CCDC88A: variants seen among roughly 807,000 people sequenced by gnomAD.
CCDC88A encodes coiled-coil and HOOK domain protein 88A.
Under a neutral mutation model 234.3 loss-of-function variants are expected in CCDC88A, and 54 were observed. That is an observed-to-expected ratio of 0.23 (90% CI 0.19 to 0.29). The LOEUF (loss-of-function observed/expected upper bound fraction) is 0.29, where lower values mean the gene tolerates loss of function less well. CCDC88A is among the 10% of genes least tolerant of loss of function. CCDC88A has a pLI of 1.00. For synonymous variants in CCDC88A, 753 were observed against 737.8 expected, an observed-to-expected ratio of 1.02 and a Z score of -0.33; for missense variants, 1,832 against 2,123.4, an observed-to-expected ratio of 0.86 and a Z score of 2.70.
At chr2:55,379,729 C>A (rs1674270065) in intron 3 of CCDC88A, among the ~76,000 whole-genome samples, 1 of 151,676 alleles carries the variant, frequency 6.6e-6, no homozygotes, top group African/African-American at 2.4e-5. Context: ...GCCTGATCAA[C>A]ATGGAGAAAC....
At position 55,316,074 on chromosome 2, in the gene CCDC88A, C is replaced by T. The variant is rs765489381; in HGVS notation, c.3787G>A (p.Val1263Ile). 2.4e-5 allele frequency: 37 copies of T among 1,555,782 alleles called. No individual in the cohort carries two copies. Among genetic ancestry groups the T allele is most frequent in the Non-Finnish European group, 3.2e-5 (36 of 1,138,546 alleles). The change falls in exon 22 of 33, where the codon GTT becomes ATT. Residue 1263 changes from valine (V) to isoleucine (I), a missense_variant. Physicochemically the swap from Val to Ile is conservative, Grantham distance 29. This residue lies in a region of CCDC88A where 1,282 missense variants were observed against 1,543.6 expected (regional missense o/e 0.83). Transcript: ENST00000436346. ...AAATTTTTATGGTCAGTTTGTAAAA[C>T]TTCAGTCTCTTTTAAAAGTTGACTA... ...TYSQLLKETEVLQTDHKNLKS... is the reference protein window; with the variant it reads ...TYSQLLKETEILQTDHKNLKS...
In CCDC88A at chr2:55,411,384, T is replaced by C. The variant is rs557300519; in HGVS notation, c.164+7432A>G. On this transcript the variant is annotated intron_variant, in intron 2 of 32. Transcript: ENST00000436346. ...CCTGTTCTTCTCTAGGTTCTCATCA[T>C]TTCTGTAGTTTAACTACATATGAAT... Among the ~76,000 whole-genome samples the C allele has an allele frequency of 8.3e-4, 127 of 152,314 alleles. 2 individuals are homozygous for C. The South Asian group carries it at 0.025, about 30-fold the overall frequency.
intron 17 of CCDC88A, among the ~76,000 whole-genome samples, chr2:55,326,771 A>T (rs13414713): frequency 2.6e-5 from 4 of 152,136 alleles, no homozygotes; most frequent in African/African-American, 9.7e-5. Flanking sequence ...GGGTTTCACC[A>T]TGTCAGCAAG....
At chr2:55,320,528 G>T (rs918187887) in intron 18 of CCDC88A, among the ~76,000 whole-genome samples, 6 of 151,880 alleles carry the variant, frequency 4.0e-5, no homozygotes, top group African/African-American at 1.2e-4. Context: ...ATTTATAAAG[G>T]AAGTCTACAA....
At chr2:55,356,992 A>G (rs773946568) in intron 7 of CCDC88A, among the ~76,000 whole-genome samples, 9 of 152,208 alleles carry the variant, frequency 5.9e-5, no homozygotes, top group Non-Finnish European at 1.3e-4. Context: ...ATGCACTGGG[A>G]CAGCCCAGAA....
rs144060748 is a variant in CCDC88A at position 55,390,199 on chromosome 2, T to G, written c.165-1313A>C. ...TTACTATTTTTGTGTATCTCTTTAA[T>G]GCGTGGTTTAACTTTTAAAAAACAG... On this transcript the variant is annotated intron_variant, in intron 2 of 32. Coordinates refer to ENST00000436346, the MANE Select transcript of CCDC88A (RefSeq NM_001365480.1). Among the ~76,000 whole-genome samples, 740 of 152,242 alleles carry G rather than the reference T, an allele frequency of 4.9e-3. 10 individuals are homozygous for G. The highest frequency in any genetic ancestry group is 0.017 in the African/African-American group (716 of 41,532).
At chr2:55,346,816 A>G (rs1669168534) in intron 9 of CCDC88A, among the ~76,000 whole-genome samples, 1 of 152,192 alleles carries the variant, frequency 6.6e-6, no homozygotes. Context: ...AAATGGGGAG[A>G]TATAAACTTT....
chr2:55,390,000 C>A (rs1574421804), intron 2 of CCDC88A, among the ~76,000 whole-genome samples: 2 of 130,184 alleles, frequency 1.5e-5, no homozygotes, highest in East Asian at 4.8e-4. Flanking sequence ...AGGATCGCAC[C>A]ACTGCACTCC....
At chr2:55,359,913 A>T (rs1671073625) in intron 7 of CCDC88A, among the ~76,000 whole-genome samples, 1 of 151,986 alleles carries the variant, frequency 6.6e-6, no homozygotes, top group Non-Finnish European at 1.5e-5. Context: ...AAGGAAAAGA[A>T]ATTAGAGATG....
chr2:55,347,121 T>C (rs1669239592), intron 9 of CCDC88A, among the ~76,000 whole-genome samples: 1 of 152,216 alleles, frequency 6.6e-6, no homozygotes, highest in African/African-American at 2.4e-5. Flanking sequence ...GTAAAGTTTC[T>C]ATAGATATGT....
At chr2:55,301,156 T>A (rs1680852379) in intron 28 of CCDC88A, 50 bp downstream of exon 28, 1 of 1,099,310 alleles carries the variant, frequency 9.1e-7, no homozygotes, top group African/African-American at 1.6e-5. Context: ...GTCCTAGCAT[T>A]CCCATTCTGT....
At chr2:55,343,210 T>C (rs567206501) in intron 12 of CCDC88A, among the ~76,000 whole-genome samples, 5 of 152,254 alleles carry the variant, frequency 3.3e-5, no homozygotes, top group African/African-American at 1.2e-4. Flanking sequence ...GTCATGAAGA[T>C]CCTTAAATTA....
Position 55,319,010 on chromosome 2 carries a change from A to T in CCDC88A, c.3163-6T>A. The T allele has an allele frequency of 6.2e-7, 1 of 1,609,838 alleles. No homozygotes were observed. On this transcript the variant is annotated splice_region_variant and splice_polypyrimidine_tract_variant and intron_variant, in intron 18 of 32. Transcript: ENST00000436346. ...TCTGCTTGCAGTGTAGCATTCTTGA[A>T]AAACAAAAACCAAAACCAAACATAT...
chr2:55,326,240 C>T (rs1370880665), intron 17 of CCDC88A, among the ~76,000 whole-genome samples: 1 of 151,786 alleles, frequency 6.6e-6, no homozygotes, highest in Non-Finnish European at 1.5e-5. Flanking sequence ...TGGTCTCAAA[C>T]CCCTGCGCTC....
At chr2:55,341,633 C>A (rs1342280248) in intron 12 of CCDC88A, among the ~76,000 whole-genome samples, 1 of 150,904 alleles carries the variant, frequency 6.6e-6, no homozygotes, top group African/African-American at 2.4e-5. Flanking sequence ...TCAGCAGAGA[C>A]GGGGTTTCAC....
intron 3 of CCDC88A, among the ~76,000 whole-genome samples, chr2:55,387,176 C>CAAAAAAAA (rs869311337): frequency 6.0e-4 from 42 of 69,768 alleles, no homozygotes; most frequent in African/African-American, 1.2e-3. Context: ...GATTCCATCT[C>CAAAAAAAA]AAAAAAAAAA....
At chr2:55,394,882 G>A (rs1053571437) in intron 2 of CCDC88A, among the ~76,000 whole-genome samples, 4 of 151,412 alleles carry the variant, frequency 2.6e-5, no homozygotes, top group African/African-American at 9.7e-5. Context: ...GTCTCACTCT[G>A]TTGCCCAGGC....
At chr2:55,372,587 A>G (rs112355682) in intron 4 of CCDC88A, 77 bp from the exon 5 acceptor site, 2 of 727,154 alleles carry the variant, frequency 2.8e-6, no homozygotes, top group Non-Finnish European at 4.8e-6. Flanking sequence ...TCACTTCTAG[A>G]GGTAATTATG....
intron 7 of CCDC88A, among the ~76,000 whole-genome samples, chr2:55,357,693 T>C (rs1263907901): frequency 6.6e-6 from 1 of 152,174 alleles, no homozygotes; most frequent in African/African-American, 2.4e-5. Context: ...CCAAGTCTTA[T>C]CTGCCTTCCC....
Sources: gnomAD v4.1 joint callset for allele counts (sites outside exome capture counted in the v4.1 genomes callset) on GRCh38, gnomAD v4.1.1 for gene constraint, gnomAD v4.1.1 regional missense constraint, MANE v1.5 for transcripts, NCBI Gene and HGNC (gene_info 2026-07-23, HGNC 2026-07-21) for gene names.